ACER1: variants seen among roughly 807,000 people sequenced by gnomAD.
The protein encoded by ACER1 is CTB-180A7.3.
In ACER1, 28 loss-of-function variants were observed where a neutral mutation model predicts 24.9. The observed-to-expected ratio is 1.13, with a 90% confidence interval of 0.83 to 1.54. The LOEUF (loss-of-function observed/expected upper bound fraction) is 1.54, where lower values mean the gene tolerates loss of function less well. Among genes scored for constraint, ACER1 ranks in the 40% most tolerant of loss-of-function variants. The probability of loss-of-function intolerance (pLI) is 0.00; values close to 1 mark genes in which losing one functional copy is unlikely to be tolerated. For missense variants in ACER1, 352 were observed against 349.3 expected (o/e 1.01, Z -0.06); for synonymous variants, 132 against 131.4 (o/e 1.00, Z -0.03).
intron 1 of ACER1, among the ~76,000 whole-genome samples, chr19:6,315,673 C>T (rs956276199): frequency 6.7e-6 from 1 of 148,522 alleles, no homozygotes; most frequent in Non-Finnish European, 1.5e-5. Flanking sequence ...GCCACCACGG[C>T]CAGCCTAATT....
intron 1 of ACER1, among the ~76,000 whole-genome samples, chr19:6,324,139 G>A (rs1292700522): frequency 6.6e-6 from 1 of 151,910 alleles, no homozygotes; most frequent in Admixed American, 6.6e-5. Flanking sequence ...CCACCTCCCA[G>A]CTTCAAGCGA....
At chr19:6,328,704 T>C (rs2091673259) in intron 1 of ACER1, among the ~76,000 whole-genome samples, 1 of 151,450 alleles carries the variant, frequency 6.6e-6, no homozygotes, top group African/African-American at 2.4e-5. Flanking sequence ...TCTCACTCTT[T>C]CGCACAGGCT....
chr19:6,349,129 G>GGAA, the ACER1 span, among the ~76,000 whole-genome samples: 2 of 149,128 alleles, frequency 1.3e-5, no homozygotes, highest in Non-Finnish European at 3.0e-5. Flanking sequence ...AGGAGGAAGA[G>GGAA]GAAGAAGAAG....
At chr19:6,319,342 C>A (rs1427468445) in intron 1 of ACER1, among the ~76,000 whole-genome samples, 2 of 152,098 alleles carry the variant, frequency 1.3e-5, no homozygotes, top group Non-Finnish European at 2.9e-5. Flanking sequence ...GCTCAGCCCC[C>A]ACGTTCCCTG....
intron 1 of ACER1, among the ~76,000 whole-genome samples, chr19:6,321,317 T>G (rs1438916588): frequency 6.6e-6 from 1 of 152,014 alleles, no homozygotes; most frequent in Non-Finnish European, 1.5e-5. Flanking sequence ...TTATTTGTAT[T>G]TTTAGTAGAG....
rs118142848 is a variant in ACER1, at chr19:6,315,744, G to A, written c.94-3245C>T. ...GGCCCAGGCTGGTCTCTAACTCCAG[G>A]ACTCAAGCAATCCACCCGCCTTGGC... On this transcript the variant is annotated intron_variant, in intron 1 of 5. Coordinates refer to ENST00000301452, the MANE Select transcript of ACER1 (RefSeq NM_133492.3). Among the ~76,000 whole-genome samples the A allele has an allele frequency of 3.2e-4, 49 of 151,942 alleles. No individual in the cohort carries two copies. In the East Asian group the frequency reaches 9.1e-3, roughly 28 times the overall value.
chr19:6,357,820 A>C, the ACER1 span, among the ~76,000 whole-genome samples: 1 of 152,124 alleles, frequency 6.6e-6, no homozygotes, highest in South Asian at 2.1e-4. Context: ...ATAGTGAAGA[A>C]GAGACAGTAG....
the ACER1 span, among the ~76,000 whole-genome samples, chr19:6,355,600 C>A: frequency 1.3e-5 from 2 of 150,230 alleles, no homozygotes; most frequent in African/African-American, 5.0e-5. Flanking sequence ...CCAGGCCAGC[C>A]GCCCCGTCCG....
At chr19:6,312,646 CT>C in intron 1 of ACER1, 147 bp from the exon 2 acceptor site, 2 of 608,274 alleles carry the variant, frequency 3.3e-6, no homozygotes, top group Non-Finnish European at 5.8e-6. Context: ...AATCACTCAC[CT>C]GTCAACCTTT....
chr19:6,323,831 G>T (rs538978778), intron 1 of ACER1, among the ~76,000 whole-genome samples: 69 of 151,980 alleles, frequency 4.5e-4, no homozygotes, highest in Non-Finnish European at 8.7e-4. Context: ...TTGTAATTTA[G>T]AGCTTATGAG....
chr19:6,344,752 G>A, the ACER1 span, among the ~76,000 whole-genome samples: 4 of 151,636 alleles, frequency 2.6e-5, no homozygotes, highest in Non-Finnish European at 5.9e-5. Flanking sequence ...ACAATTGTTG[G>A]ATTATTTTGT....
rs546210695 is a variant in ACER1, at chr19:6,314,004, C to T, written c.94-1505G>A. ...GGTGATGGCCGGGCATGGTGGCTCA[C>T]GCCTGTAATCCCAGCACTTTGGGAG... On this transcript the variant is annotated intron_variant, in intron 1 of 5. Coordinates refer to ENST00000301452, the MANE Select transcript of ACER1 (RefSeq NM_133492.3). Among the ~76,000 whole-genome samples, 37 of 152,176 alleles carry T rather than the reference C, an allele frequency of 2.4e-4. No homozygotes were observed. In the South Asian group the frequency reaches 2.7e-3, roughly 11 times the overall value.
chr19:6,337,380 T>C (rs1312982497), upstream of ACER1, among the ~76,000 whole-genome samples: 3 of 152,088 alleles, frequency 2.0e-5, no homozygotes, highest in African/African-American at 7.2e-5. Flanking sequence ...ACATTGTATT[T>C]ATTTTTTGAT....
rs117856823 is a variant in ACER1, at chr19:6,319,711, G to A, written c.94-7212C>T. On this transcript the variant is annotated intron_variant, in intron 1 of 5. Transcript: ENST00000301452. ...AGGATTACAGAGTTAAGTGCCACGG[G>A]ACCAGGGAGCTCTGTGTGTTTTGCC... is the stretch of plus-strand genomic sequence containing the variant. Among the ~76,000 whole-genome samples, 743 of 152,110 alleles carry A rather than the reference G, an allele frequency of 4.9e-3. 1 individual carries two copies. The highest frequency in any genetic ancestry group is 7.5e-3 in the Non-Finnish European group (508 of 67,986).
the ACER1 span, among the ~76,000 whole-genome samples, chr19:6,342,125 A>T: frequency 6.6e-6 from 1 of 152,226 alleles, no homozygotes; most frequent in Non-Finnish European, 1.5e-5. Flanking sequence ...ACAATGCCCA[A>T]AGTCACAAAG....
chr19:6,340,494 C>T, the ACER1 span, among the ~76,000 whole-genome samples: 2 of 152,138 alleles, frequency 1.3e-5, no homozygotes, highest in African/African-American at 4.8e-5. Flanking sequence ...GGCAAACAGA[C>T]ACCACCACTG....
chr19:6,326,661 C>A (rs913201532), intron 1 of ACER1, among the ~76,000 whole-genome samples: 1 of 152,040 alleles, frequency 6.6e-6, no homozygotes, highest in Non-Finnish European at 1.5e-5. Context: ...TTCCTCTCTC[C>A]GCCTCAAGCT....
chr19:6,336,103 G>T (rs970010452), upstream of ACER1, among the ~76,000 whole-genome samples: 12 of 151,906 alleles, frequency 7.9e-5, no homozygotes, highest in Admixed American at 3.3e-4. Context: ...GTTTCACCAT[G>T]TTGGCCAGGC....
intron 1 of ACER1, among the ~76,000 whole-genome samples, chr19:6,319,216 AAGG>A (rs1221865816): frequency 2.0e-5 from 3 of 152,136 alleles, no homozygotes; most frequent in African/African-American, 7.2e-5. Flanking sequence ...AAGCGCTCAG[AAGG>A]AGGACAGAGA....
Sources: gnomAD v4.1 joint callset for allele counts (sites outside exome capture counted in the v4.1 genomes callset) on GRCh38, gnomAD v4.1.1 for gene constraint, MANE v1.5 for transcripts, NCBI Gene and HGNC (gene_info 2026-07-23, HGNC 2026-07-21) for gene names.